Variants in STPG2 observed in about 807,000 individuals in gnomAD.
The protein encoded by STPG2 is sperm-tail PG-rich repeat-containing protein 2.
A neutral mutation model predicts 54.2 loss-of-function variants in STPG2; 56 were observed. The observed-to-expected ratio is 1.03, with a 90% confidence interval of 0.83 to 1.29. STPG2 has a LOEUF of 1.29. Among genes scored for constraint, STPG2 ranks in the 50% most tolerant of loss-of-function variants. The pLI is 0.00. For missense variants in STPG2, 596 were observed against 544.9 expected, an observed-to-expected ratio of 1.09 and a Z score of -0.93; for synonymous variants, 200 against 181.8, an observed-to-expected ratio of 1.10 and a Z score of -0.81.
intron 9 of STPG2, among the ~76,000 whole-genome samples, chr4:97,816,158 G>T (rs1457750246): frequency 6.6e-6 from 1 of 152,098 alleles, no homozygotes; most frequent in East Asian, 1.9e-4. Context: ...GTGTTAGTTT[G>T]CTGAGAATGA....
chr4:97,484,382 T>C lies in STPG2; in HGVS notation c.462+228317A>G, dbSNP rs552017011. Among the ~76,000 whole-genome samples, 82 of 151,808 alleles carry C rather than the reference T, an allele frequency of 5.4e-4. 1 individual carries two copies. Among genetic ancestry groups the C allele is most frequent in the South Asian group, 5.2e-3 (25 of 4,824 alleles). On this transcript the variant is annotated intron_variant, in intron 4 of 4. Coordinates refer to the STPG2 transcript ENST00000522676. ...CATTAAGAAATGAAACAGGAGATAT[T>C]ATAACTGACACCACTGAAATACAAA...
chr4:97,550,960 G>C (rs991429153), intron 4 of STPG2, among the ~76,000 whole-genome samples: 1 of 151,726 alleles, frequency 6.6e-6, no homozygotes, highest in African/African-American at 2.4e-5. Context: ...AGAGTGAGCA[G>C]CAGCAAGATG....
intron 7 of STPG2, among the ~76,000 whole-genome samples, chr4:97,960,825 C>A (rs756622905): frequency 1.3e-5 from 2 of 151,776 alleles, no homozygotes; most frequent in Non-Finnish European, 2.9e-5. Flanking sequence ...CATCATCACC[C>A]TCACAGAACT....
chr4:97,804,889 C>T lies in STPG2; in HGVS notation c.1204+35884G>A, dbSNP rs565734469. 2.3e-4 allele frequency among the ~76,000 whole-genome samples: 35 copies of T among 152,176 alleles called. No individual in the cohort carries two copies. In the South Asian group the frequency reaches 3.3e-3, roughly 14 times the overall value. ...GCCTATAGTATTCAGTGCAGTGATA[C>T]GCTATGCAGGTTTGTAATGTAGGAG... On this transcript the variant is annotated intron_variant, in intron 9 of 10. Coordinates refer to ENST00000295268, the MANE Select transcript of STPG2 (RefSeq NM_174952.3).
intron 7 of STPG2, among the ~76,000 whole-genome samples, chr4:97,964,800 G>A (rs868647515): frequency 6.6e-6 from 1 of 152,048 alleles, no homozygotes; most frequent in South Asian, 2.1e-4. Flanking sequence ...GTTATTACTT[G>A]TACTGAATTG....
At chr4:97,829,864 T>C (rs958539642) in intron 9 of STPG2, among the ~76,000 whole-genome samples, 2 of 151,860 alleles carry the variant, frequency 1.3e-5, no homozygotes, top group African/African-American at 2.4e-5. Context: ...CCAAGAAATA[T>C]GGAACTGTGT....
chr4:97,635,622 C>T (rs1721488174), intron 10 of STPG2, among the ~76,000 whole-genome samples: 1 of 151,916 alleles, frequency 6.6e-6, no homozygotes, highest in South Asian at 2.1e-4. Flanking sequence ...CACATATAGG[C>T]TCAAAATAAA....
At position 98,001,025 on chromosome 4, in the gene STPG2, A is replaced by G. The variant is rs115099123; in HGVS notation, c.613-19707T>C. Among the ~76,000 whole-genome samples the G allele has an allele frequency of 4.0e-3, 605 of 152,270 alleles. 7 individuals are homozygous for G. The highest frequency in any genetic ancestry group is 0.014 in the African/African-American group (568 of 41,560). On this transcript the variant is annotated intron_variant, in intron 5 of 10. Coordinates refer to ENST00000295268, the MANE Select transcript of STPG2 (RefSeq NM_174952.3). ...TTGTCTTATGCAGTTTTAACCAAAC[A>G]TGAAATTGAGTAAAACTGATGAAAA...
intron 10 of STPG2, among the ~76,000 whole-genome samples, chr4:97,563,412 G>A (rs1480136924): frequency 6.6e-6 from 1 of 151,996 alleles, no homozygotes; most frequent in Non-Finnish European, 1.5e-5. Flanking sequence ...TTACTTTTTT[G>A]AAGGGTTTTT....
rs535762450 is a variant in STPG2, at chr4:97,678,587, ATTTATTT to A, written c.1320+34105_1320+34111del. 2.6e-3 allele frequency among the ~76,000 whole-genome samples: 396 copies of A among 151,834 alleles called. 1 individual carries two copies. The highest frequency in any genetic ancestry group is 4.2e-3 in the Non-Finnish European group (286 of 67,906). On this transcript the variant is annotated intron_variant, in intron 10 of 10. Transcript: ENST00000295268. ...TAGACACTATTATCATGCCCATTTT[ATTTATTT>A]TTTATTTTTTATTTTTTGACTTCTT... is the stretch of plus-strand genomic sequence containing the variant.
intron 6 of STPG2, among the ~76,000 whole-genome samples, chr4:97,979,466 C>A (rs1207360235): frequency 6.6e-6 from 1 of 152,164 alleles, no homozygotes; most frequent in African/African-American, 2.4e-5. Context: ...TATCCTATAT[C>A]TCTCCCACCA....
intron 8 of STPG2, among the ~76,000 whole-genome samples, chr4:97,843,090 TG>T (rs1214312710): frequency 2.0e-5 from 3 of 151,930 alleles, no homozygotes; most frequent in African/African-American, 7.2e-5. Context: ...TCATCAAATT[TG>T]TTGGCGATTC....
chr4:98,020,545 C>G (rs36130873), intron 5 of STPG2, among the ~76,000 whole-genome samples: 59,639 of 151,478 alleles, frequency 0.39, 11,986 homozygotes, highest in Middle Eastern at 0.46. Flanking sequence ...AATGAGTTAG[C>G]GAGGATTCCC....
chr4:97,848,883 T>C (rs1328999929), intron 8 of STPG2, among the ~76,000 whole-genome samples: 7 of 150,730 alleles, frequency 4.6e-5, no homozygotes, highest in African/African-American at 1.5e-4. Flanking sequence ...ACCAGTACCA[T>C]GCTGTTTTGG....
intron 5 of STPG2, among the ~76,000 whole-genome samples, chr4:98,105,733 TA>T (rs944246731): frequency 6.6e-6 from 1 of 152,218 alleles, no homozygotes; most frequent in African/African-American, 2.4e-5. Context: ...TTAAATCATT[TA>T]AAAAACCAAC....
At chr4:98,006,529 G>A (rs756536410) in intron 5 of STPG2, among the ~76,000 whole-genome samples, 10 of 152,174 alleles carry the variant, frequency 6.6e-5, no homozygotes, top group Non-Finnish European at 1.5e-5. Flanking sequence ...CCTAGCAGCA[G>A]CAACTGCCAC....
At chr4:98,130,381 T>C (rs1739954600) in intron 2 of STPG2, among the ~76,000 whole-genome samples, 1 of 152,082 alleles carries the variant, frequency 6.6e-6, no homozygotes, top group Non-Finnish European at 1.5e-5. Context: ...TTTCACCATG[T>C]TGGCCTGGCT....
intron 10 of STPG2, among the ~76,000 whole-genome samples, chr4:97,672,915 G>A (rs1722742736): frequency 6.6e-6 from 1 of 152,196 alleles, no homozygotes; most frequent in African/African-American, 2.4e-5. Flanking sequence ...TTAAAATCAG[G>A]AAATCACTGG....
At chr4:97,985,207 A>G (rs1197118041) in intron 5 of STPG2, among the ~76,000 whole-genome samples, 1 of 152,218 alleles carries the variant, frequency 6.6e-6, no homozygotes, top group African/African-American at 2.4e-5. Context: ...TAATGTTTAT[A>G]AAATGATAGT....
Sources: gnomAD v4.1 joint callset for allele counts (sites outside exome capture counted in the v4.1 genomes callset) on GRCh38, gnomAD v4.1.1 for gene constraint, MANE v1.5 for transcripts, NCBI Gene and HGNC (gene_info 2026-07-23, HGNC 2026-07-21) for gene names.